The following IL34 variants were observed in gnomAD, a reference collection of about 807,000 sequenced individuals.
IL34 encodes interleukin 34.
A neutral mutation model predicts 25.3 loss-of-function variants in IL34; 17 were observed. That is an observed-to-expected ratio of 0.67 (90% CI 0.46 to 1.01). The LOEUF is 1.01. Among genes scored for constraint, IL34 ranks in the 50% least tolerant of loss-of-function variants. IL34 has a pLI of 0.00. For missense variants in IL34, 368 were observed against 312.9 expected, an observed-to-expected ratio of 1.18 and a Z score of -1.33; for synonymous variants, 174 against 140.9, an observed-to-expected ratio of 1.23 and a Z score of -1.66.
intron 1 of IL34, among the ~76,000 whole-genome samples, chr16:70,628,174 C>G (rs60611474): frequency 0.092 from 13,972 of 152,032 alleles, 2,122 homozygotes; most frequent in African/African-American, 0.32. Context: ...GGTCGAGCAC[C>G]TTATTATATA....
At chr16:70,656,859 C>A in intron 3 of IL34, 101 bp from the exon 4 acceptor site, 1 of 1,333,106 alleles carries the variant, frequency 7.5e-7, no homozygotes, top group Non-Finnish European at 1.1e-6. Context: ...AGCGGACGGC[C>A]CGCGTCTGCT....
Position 70,656,638 on chromosome 16 carries a change from C to T in IL34, c.199C>T (p.Pro67Ser), listed in dbSNP as rs144144426. 4 of 1,463,994 alleles carry T rather than the reference C, an allele frequency of 2.7e-6. No individual in the cohort carries two copies. The highest frequency in any genetic ancestry group is 1.7e-4 in the Middle Eastern group (1 of 5,768). 90.7% of individuals were successfully genotyped at this position (1,463,994 alleles called of 1,614,324 possible). Reference sequence around the variant, plus strand: ...CCCCATCAACTACAAGATCAGTGTGCCTTACGAGGGGGTGTTCAGAATCGC... The same window carrying T: ...CCCCATCAACTACAAGATCAGTGTGTCTTACGAGGGGGTGTTCAGAATCGC... ...YFPINYKISVPYEGVFRIANV... is the reference protein window; with the variant it reads ...YFPINYKISVSYEGVFRIANV... Residue 67 changes from proline to serine, a missense_variant, in exon 3 of 6, where the codon CCT becomes TCT. Pro to Ser is a moderately conservative substitution (Grantham distance 74). Coordinates refer to ENST00000288098, the MANE Select transcript of IL34 (RefSeq NM_001393494.1).
intron 1 of IL34, among the ~76,000 whole-genome samples, chr16:70,587,224 G>A (rs1383263119): frequency 6.6e-6 from 1 of 152,096 alleles, no homozygotes; most frequent in African/African-American, 2.4e-5. Context: ...GAGGATTTGT[G>A]GGGATGGGGG....
At chr16:70,623,945 C>G (rs1480226019) in intron 1 of IL34, among the ~76,000 whole-genome samples, 1 of 141,222 alleles carries the variant, frequency 7.1e-6, no homozygotes, top group Non-Finnish European at 1.6e-5. Context: ...AGTGGGTAGC[C>G]TCCGTATTGA....
intron 1 of IL34, among the ~76,000 whole-genome samples, chr16:70,630,153 CAT>C (rs1462204626): frequency 2.0e-5 from 3 of 152,188 alleles, no homozygotes; most frequent in African/African-American, 7.2e-5. Context: ...ATGATGAACT[CAT>C]GTGGTTACAA....
At chr16:70,626,826 G>A (rs1489620881) in intron 1 of IL34, among the ~76,000 whole-genome samples, 1 of 151,972 alleles carries the variant, frequency 6.6e-6, no homozygotes, top group Non-Finnish European at 1.5e-5. Flanking sequence ...ACTTTTTTCA[G>A]CTAAATTGAG....
upstream of IL34, among the ~76,000 whole-genome samples, chr16:70,641,929 A>G (rs1047836958): frequency 2.6e-5 from 4 of 152,216 alleles, no homozygotes; most frequent in African/African-American, 7.2e-5. Context: ...GGAAGCCAGA[A>G]AACAATACAA....
intron 1 of IL34, among the ~76,000 whole-genome samples, chr16:70,618,613 T>C (rs2051212302): frequency 6.6e-6 from 1 of 152,230 alleles, no homozygotes; most frequent in African/African-American, 2.4e-5. Flanking sequence ...TCAAGTTGTT[T>C]GGACAGAAAG....
intron 1 of IL34, among the ~76,000 whole-genome samples, chr16:70,631,663 A>G (rs2051520896): frequency 6.6e-6 from 1 of 152,098 alleles, no homozygotes; most frequent in African/African-American, 2.4e-5. Flanking sequence ...AAGTTAAAAT[A>G]GTTTTGGCCA....
intron 1 of IL34, among the ~76,000 whole-genome samples, chr16:70,635,408 C>G (rs2051618594): frequency 6.6e-6 from 1 of 152,208 alleles, no homozygotes; most frequent in African/African-American, 2.4e-5. Context: ...CTGCTGCTCT[C>G]AGGAAGCACA....
chr16:70,647,328 G>A (rs971846775), intron 1 of IL34, among the ~76,000 whole-genome samples: 2 of 152,210 alleles, frequency 1.3e-5, no homozygotes, highest in Non-Finnish European at 2.9e-5. Context: ...GGGTATGGCC[G>A]GTGGAGGGGG....
At chr16:70,625,864 T>G (rs1048969698) in intron 1 of IL34, among the ~76,000 whole-genome samples, 1 of 152,174 alleles carries the variant, frequency 6.6e-6, no homozygotes, top group Admixed American at 6.5e-5. Context: ...AGTGGCCACT[T>G]ACCGGATTTG....
intron 1 of IL34, among the ~76,000 whole-genome samples, chr16:70,607,144 C>T (rs1447468276): frequency 6.6e-6 from 1 of 152,150 alleles, no homozygotes; most frequent in African/African-American, 2.4e-5. Context: ...CTCAGTCGCC[C>T]AGGCTGGAGT....
chr16:70,581,932 CAAAAA>C (rs2050639716), intron 1 of IL34, among the ~76,000 whole-genome samples: 2 of 135,570 alleles, frequency 1.5e-5, no homozygotes, highest in African/African-American at 5.1e-5. Flanking sequence ...AAACAAAAAA[CAAAAA>C]CAAAAACAAA....
rs1455143109 is a variant in IL34 at position 70,657,027 on chromosome 16, AGT to A, written c.309_310del (p.Glu103AspfsTer78). ...GTCTTGGTGAGCCTCAGTGCCACTG[AGT>A]CGGTGCAGGACGTGCTGCTCGAGGG... On this transcript the variant is annotated frameshift_variant, in exon 4 of 6. Coordinates refer to ENST00000288098, the MANE Select transcript of IL34 (RefSeq NM_001393494.1). LOFTEE classifies it high-confidence loss of function. 6.2e-7 allele frequency: 1 copy of A among 1,612,450 alleles called. No homozygotes were observed. The highest frequency in any genetic ancestry group is 1.3e-5 in the African/African-American group (1 of 74,830).
intron 2 of IL34, among the ~76,000 whole-genome samples, chr16:70,655,888 T>C (rs1040286448): frequency 2.0e-5 from 3 of 152,184 alleles, no homozygotes; most frequent in Non-Finnish European, 4.4e-5. Flanking sequence ...TCTTTTTTAT[T>C]TTAACAGCTT....
At chr16:70,656,478 C>G (rs953042614) in intron 2 of IL34, 124 bp from the exon 3 acceptor site, 1 of 721,384 alleles carries the variant, frequency 1.4e-6, no homozygotes, top group Non-Finnish European at 2.5e-6. Context: ...ATGATGCTGC[C>G]CCTGCACTCC....
chr16:70,615,396 A>T (rs1240824110), intron 1 of IL34, among the ~76,000 whole-genome samples: 4 of 152,076 alleles, frequency 2.6e-5, no homozygotes, highest in African/African-American at 9.7e-5. Flanking sequence ...AGTCCCAGCT[A>T]CTCAGGAGGT....
intron 1 of IL34, among the ~76,000 whole-genome samples, chr16:70,614,349 T>C (rs2051142270): frequency 6.6e-6 from 1 of 152,158 alleles, no homozygotes; most frequent in Non-Finnish European, 1.5e-5. Flanking sequence ...CCCATCAGTG[T>C]CATCCGAGAG....
Sources: gnomAD v4.1 joint callset for allele counts (sites outside exome capture counted in the v4.1 genomes callset) on GRCh38, gnomAD v4.1.1 for gene constraint, MANE v1.5 for transcripts, NCBI Gene and HGNC (gene_info 2026-07-23, HGNC 2026-07-21) for gene names.